Variants in FBN1 observed in about 807,000 individuals in gnomAD.
FBN1 encodes fibrillin 1.
FBN1 carries 29 observed loss-of-function variants against 365.1 expected under a neutral mutation model. The ratio of observed to expected loss-of-function variants is 0.08; its 90% CI spans 0.06 to 0.11. FBN1 has a LOEUF of 0.11. FBN1 is among the 10% of genes least tolerant of loss of function. FBN1 has a pLI of 1.00. For missense variants in FBN1, 2,476 were observed against 3,703.2 expected, an observed-to-expected ratio of 0.67 and a Z score of 8.60; for synonymous variants, 1,210 against 1,270.5, an observed-to-expected ratio of 0.95 and a Z score of 1.01.
chr15:48,594,320 C>T (rs1428626858), intron 6 of FBN1, among the ~76,000 whole-genome samples: 1 of 152,194 alleles, frequency 6.6e-6, no homozygotes, highest in Non-Finnish European at 1.5e-5. Context: ...CCTTCTGCTA[C>T]TAACGGGCAA....
intron 8 of FBN1, among the ~76,000 whole-genome samples, chr15:48,532,863 C>G (rs1478492506): frequency 1.3e-5 from 2 of 152,058 alleles, no homozygotes; most frequent in Non-Finnish European, 2.9e-5. Flanking sequence ...TTAGAAAGAA[C>G]TATTTTTTCA....
intron 25 of FBN1, among the ~76,000 whole-genome samples, chr15:48,488,806 A>T (rs906539889): frequency 3.3e-5 from 5 of 152,228 alleles, no homozygotes; most frequent in Admixed American, 6.5e-5. Flanking sequence ...TAGATAATAT[A>T]TTCTAAACCA....
intron 43 of FBN1, 47 bp downstream of exon 43, chr15:48,460,199 A>G: frequency 6.9e-7 from 1 of 1,442,896 alleles, no homozygotes; most frequent in Non-Finnish European, 9.8e-7. Context: ...TAATGCTAAC[A>G]CAAAGGCAAA....
rs572293258 is a variant in FBN1 at position 48,473,769 on chromosome 15, G to A, written c.4210+486C>T. 2.0e-4 allele frequency among the ~76,000 whole-genome samples: 31 copies of A among 151,730 alleles called. No homozygotes were observed. The South Asian group carries it at 5.8e-3, about 29-fold the overall frequency. ...AGTTCCCTACAGCAAGCTTATCCTT[G>A]TGTTGGTACAGAAAGGAAGTCATTG... On this transcript the variant is annotated intron_variant, in intron 34 of 65. Transcript: ENST00000316623.
intron 44 of FBN1, 126 bp from the exon 45 acceptor site, chr15:48,452,810 T>A: frequency 9.3e-7 from 1 of 1,072,930 alleles, no homozygotes; most frequent in Non-Finnish European, 1.4e-6. Context: ...AACATAGATG[T>A]GTACAGCAGC....
intron 46 of FBN1, 58 bp from the exon 47 acceptor site, chr15:48,446,880 G>A (rs527496008): frequency 7.7e-6 from 9 of 1,173,166 alleles, no homozygotes; most frequent in African/African-American, 6.0e-5. Context: ...GTGGTTACAC[G>A]GTTACAGTGG....
intron 2 of FBN1, among the ~76,000 whole-genome samples, chr15:48,632,963 T>C (rs1890015364): frequency 6.6e-6 from 1 of 152,208 alleles, no homozygotes; most frequent in African/African-American, 2.4e-5. Flanking sequence ...CAGCAGTCCA[T>C]GAAAGATTAA....
chr15:48,497,474 A>C (rs1566912310), intron 18 of FBN1, 83 bp from the exon 19 acceptor site: 4 of 1,339,142 alleles, frequency 3.0e-6, no homozygotes, highest in East Asian at 2.5e-5. Context: ...ACTACAATAA[A>C]TGTAATGACC....
chr15:48,531,822 A>G (rs368224598), intron 8 of FBN1, among the ~76,000 whole-genome samples: 2 of 152,204 alleles, frequency 1.3e-5, no homozygotes, highest in Non-Finnish European at 2.9e-5. Context: ...CAGAGAATGT[A>G]TAGCACTAAC....
rs377621293 is a variant in FBN1 at position 48,503,844 on chromosome 15, C to T, written c.2056G>A (p.Ala686Thr). The change falls in exon 17 of 66, where the codon GCC becomes ACC. Residue 686 changes from alanine (A) to threonine (T), a missense_variant. Physicochemically the swap from Ala to Thr is moderately conservative, Grantham distance 58. Transcript: ENST00000316623. ...TCCCCAAATGCATACTCAGTGCTGG[C>T]GCAACAGCATTCAGATTTAGTGACA... Reference protein sequence around the residue: ...GAVTKSECCCASTEYAFGEPC... With the variant: ...GAVTKSECCCTSTEYAFGEPC... 47 of 1,614,040 alleles carry T rather than the reference C, an allele frequency of 2.9e-5. No homozygotes were observed. Among genetic ancestry groups the T allele is most frequent in the East Asian group, 2.5e-4 (11 of 44,894 alleles).
chr15:48,545,045 T>A (rs1222625664), intron 6 of FBN1, among the ~76,000 whole-genome samples: 3 of 152,244 alleles, frequency 2.0e-5, no homozygotes, highest in African/African-American at 7.2e-5. Flanking sequence ...AACCAAACAC[T>A]GAAGTTTGAC....
chr15:48,433,893 CT>C (rs2043042827), intron 54 of FBN1, among the ~76,000 whole-genome samples: 2 of 152,338 alleles, frequency 1.3e-5, no homozygotes, highest in East Asian at 3.9e-4. Context: ...TGAATCCCTA[CT>C]TGAGAGTGTA....
chr15:48,641,815 C>G (rs1039573540), intron 2 of FBN1: 8 of 152,144 alleles, frequency 5.3e-5, no homozygotes, highest in African/African-American at 1.9e-4. Context: ...CAGCAGGGCA[C>G]CGTTAAAGGA....
In FBN1 at chr15:48,548,884, A is replaced by C. The variant is rs762002985; in HGVS notation, c.539-11076T>G. Among the ~76,000 whole-genome samples, 78 of 152,240 alleles carry C rather than the reference A, an allele frequency of 5.1e-4. 1 individual carries two copies. Among genetic ancestry groups the C allele is most frequent in the Non-Finnish European group, 9.7e-4 (66 of 68,044 alleles). ...TTGGATATTTATGAAGCATGTTAAC[A>C]ATAATTAAAATGGAATTTTCCAAAC... On this transcript the variant is annotated intron_variant, in intron 6 of 65. Transcript: ENST00000316623.
Position 48,510,029 on chromosome 15 carries a change from G to A in FBN1, c.1714+15C>T. 1 of 1,612,642 alleles carries A rather than the reference G, an allele frequency of 6.2e-7. No homozygotes were observed. The highest frequency in any genetic ancestry group is 1.3e-5 in the African/African-American group (1 of 74,936). ...CAATGGAAGGAGAGGACTAACATTA[G>A]TATACTATTATTACCTTCACAGTTC... On this transcript the variant is annotated intron_variant, in intron 14 of 65. Coordinates refer to ENST00000316623, the MANE Select transcript of FBN1 (RefSeq NM_000138.5).
chr15:48,442,059 A>G (rs1025483943), intron 49 of FBN1, among the ~76,000 whole-genome samples: 2 of 152,210 alleles, frequency 1.3e-5, no homozygotes, highest in African/African-American at 4.8e-5. Flanking sequence ...TAAAAATGGA[A>G]TGTGCAACTG....
intron 29 of FBN1, among the ~76,000 whole-genome samples, chr15:48,485,938 GA>G (rs1250098883): frequency 1.3e-5 from 2 of 152,164 alleles, no homozygotes; most frequent in Non-Finnish European, 2.9e-5. Flanking sequence ...AAATAAAGGG[GA>G]AAAAGCATTC....
Position 48,489,916 on chromosome 15 carries a change from T to C in FBN1, c.3017A>G (p.Glu1006Gly). The C allele has an allele frequency of 1.2e-6, 2 of 1,614,216 alleles. No homozygotes were observed. The highest frequency in any genetic ancestry group is 1.6e-4 in the Middle Eastern group (1 of 6,062). ...CPMRNTPEYE[E>G]LCPRGPGFAT... is the part of the protein sequence containing the mutation. ...AAATCCGGGTCCTCTCGGACACAGC[T>C]CCTCGTACTCAGGAGTATTTCTCAT... The change falls in exon 25 of 66, where the codon GAG becomes GGG. Residue 1006 changes from glutamate to glycine, a missense_variant. Coordinates refer to ENST00000316623, the MANE Select transcript of FBN1 (RefSeq NM_000138.5).
intron 42 of FBN1, among the ~76,000 whole-genome samples, chr15:48,461,100 C>T (rs977708966): frequency 6.6e-6 from 1 of 152,226 alleles, no homozygotes; most frequent in East Asian, 1.9e-4. Flanking sequence ...GTATTTTAAT[C>T]AAAATACAGC....
Sources: gnomAD v4.1 joint callset for allele counts (sites outside exome capture counted in the v4.1 genomes callset) on GRCh38, gnomAD v4.1.1 for gene constraint, MANE v1.5 for transcripts, NCBI Gene and HGNC (gene_info 2026-07-23, HGNC 2026-07-21) for gene names.